MAMLD1: variants seen among roughly 807,000 people sequenced by gnomAD.
MAMLD1 encodes mastermind-like domain-containing protein 1.
Under a neutral mutation model 45.0 loss-of-function variants are expected in MAMLD1, and 14 were observed. The observed-to-expected ratio is 0.31, with a 90% CI of 0.21 to 0.49. The LOEUF (loss-of-function observed/expected upper bound fraction) is 0.49, where lower values mean the gene tolerates loss of function less well. Among genes scored for constraint, MAMLD1 ranks in the 20% least tolerant of loss-of-function variants. The pLI is 0.99. For synonymous variants in MAMLD1, 254 were observed against 247.8 expected, an observed-to-expected ratio of 1.02 and a Z score of -0.24; for missense variants, 543 against 603.6, an observed-to-expected ratio of 0.90 and a Z score of 1.05.
intron 6 of MAMLD1, among the ~76,000 whole-genome samples, chrX:150,506,686 T>C (rs189715671): frequency 0.066 from 7,381 of 112,446 alleles, 592 homozygotes; most frequent in African/African-American, 0.23. Flanking sequence ...ATTCTTCCCA[T>C]GCAGTGGTGA....
chrX:150,468,425 T>C (rs1417712186), intron 3 of MAMLD1, among the ~76,000 whole-genome samples: 1 of 110,845 alleles, frequency 9.0e-6, no homozygotes, highest in Non-Finnish European at 1.9e-5. Flanking sequence ...AGGGGTTATT[T>C]GGGGGGTACC....
intron 1 of MAMLD1, among the ~76,000 whole-genome samples, chrX:150,439,999 A>G (rs1190025045): frequency 2.7e-5 from 3 of 111,640 alleles, no homozygotes; most frequent in Admixed American, 9.5e-5. Flanking sequence ...TCATTGGTCT[A>G]TATGTCTATA....
In MAMLD1 at chrX:150,394,129, C is replaced by CTTTTTTTTTTTTTTTTTTTT. The variant is rs781904160; in HGVS notation, c.-64+30605_-64+30624dup. ...GGGGTGTAAGGTCTATATCTACATC[C>CTTTTTTTTTTTTTTTTTTTT]TTTTTTTTTTTTTTTTTTTTTTTTT... On this transcript the variant is annotated intron_variant, in intron 1 of 7. Coordinates refer to ENST00000370401, the MANE Select transcript of MAMLD1 (RefSeq NM_005491.5). 1.1e-3 allele frequency among the ~76,000 whole-genome samples: 13 copies of CTTTTTTTTTTTTTTTTTTTT among 12,263 alleles called. 2 individuals are homozygous for CTTTTTTTTTTTTTTTTTTTT. Among genetic ancestry groups the CTTTTTTTTTTTTTTTTTTTT allele is most frequent in the African/African-American group, 1.4e-3 (4 of 2,777 alleles). 10.6% of individuals were successfully genotyped at this position (12,263 alleles called of 115,157 possible). A position where few individuals can be genotyped will look rare whatever the true frequency, so the allele number is the denominator to read the frequency against.
chrX:150,455,029 T>C (rs2035802634), intron 2 of MAMLD1, among the ~76,000 whole-genome samples: 1 of 105,830 alleles, frequency 9.4e-6, no homozygotes, highest in South Asian at 4.5e-4. Context: ...TACATGGTTA[T>C]ATGACACTTC....
intron 2 of MAMLD1, among the ~76,000 whole-genome samples, chrX:150,456,098 G>A (rs1013030809): frequency 8.1e-5 from 9 of 111,247 alleles, no homozygotes; most frequent in African/African-American, 2.6e-4. Flanking sequence ...TTTATCCTCA[G>A]TCTAAGTGTG....
At chrX:150,477,792 G>A (rs1359386180) in intron 5 of MAMLD1, among the ~76,000 whole-genome samples, 1 of 111,904 alleles carries the variant, frequency 8.9e-6, no homozygotes, top group East Asian at 2.8e-4. Flanking sequence ...GCGTGGATCT[G>A]ACCCCACCTG....
chrX:150,372,908 C>T (rs1557401162), intron 1 of MAMLD1, among the ~76,000 whole-genome samples: 1 of 111,705 alleles, frequency 9.0e-6, no homozygotes. Flanking sequence ...CACCCGAGCA[C>T]GTGGCTGGGG....
intron 1 of MAMLD1, among the ~76,000 whole-genome samples, chrX:150,406,416 T>C (rs2034000278): frequency 9.0e-6 from 1 of 110,992 alleles, no homozygotes; most frequent in African/African-American, 3.3e-5. Flanking sequence ...GAGCCTTCAT[T>C]GTGAGGTAGA....
chrX:150,428,134 C>CT (rs781874280), intron 1 of MAMLD1, among the ~76,000 whole-genome samples: 14 of 111,127 alleles, frequency 1.3e-4, no homozygotes, highest in Non-Finnish European at 2.6e-4. Flanking sequence ...TTCATATCTT[C>CT]TTCTGGGTAT....
At chrX:150,393,502 GT>G (rs1569564498) in intron 1 of MAMLD1, among the ~76,000 whole-genome samples, 1 of 112,096 alleles carries the variant, frequency 8.9e-6, no homozygotes, top group Non-Finnish European at 1.9e-5. Flanking sequence ...AGTATGTTTC[GT>G]TTTGTAAGAA....
chrX:150,508,683 G>A (rs1379343269), intron 6 of MAMLD1, among the ~76,000 whole-genome samples: 2 of 112,627 alleles, frequency 1.8e-5, no homozygotes, highest in Non-Finnish European at 3.8e-5. Flanking sequence ...CAGCCCCACT[G>A]AGTGCAGAGA....
intron 6 of MAMLD1, chrX:150,505,194 G>A (rs991377708): frequency 1.4e-4 from 50 of 362,377 alleles, no homozygotes; most frequent in Non-Finnish European, 1.6e-4. Flanking sequence ...TCAAACCTGA[G>A]GGCAGCATCA....
intron 5 of MAMLD1, among the ~76,000 whole-genome samples, chrX:150,495,830 G>T (rs57380920): frequency 4.7e-4 from 53 of 112,373 alleles, no homozygotes; most frequent in African/African-American, 1.6e-3. Flanking sequence ...AGATTCTGCC[G>T]TATAGACCAC....
rs781972060 is a variant in MAMLD1, at chrX:150,396,327, G to C, written c.-64+32797G>C. 3.6e-3 allele frequency among the ~76,000 whole-genome samples: 389 copies of C among 108,987 alleles called. 1 individual carries two copies. The highest frequency in any genetic ancestry group is 5.3e-3 in the Non-Finnish European group (278 of 52,384). 94.6% of individuals were successfully genotyped at this position (108,987 alleles called of 115,157 possible). A position where few individuals can be genotyped will look rare whatever the true frequency, so the allele number is the denominator to read the frequency against. ...TTCTTTTCTAATATTTACATTCAAA[G>C]CTATAAATTTCTTCTTTATCACTGA... On this transcript the variant is annotated intron_variant, in intron 1 of 7. Coordinates refer to ENST00000370401, the MANE Select transcript of MAMLD1 (RefSeq NM_005491.5).
At position 150,401,765 on chromosome X, in the gene MAMLD1, T is replaced by C. The variant is rs1177367980; in HGVS notation, c.-64+38235T>C. ...AGAACAGAGCCCTCAGAAATAATGC[T>C]GCATATCTACAACTATCTGATCTTT... On this transcript the variant is annotated intron_variant, in intron 1 of 7. Coordinates refer to ENST00000370401, the MANE Select transcript of MAMLD1 (RefSeq NM_005491.5). Among the ~76,000 whole-genome samples, 6 of 111,343 alleles carry C rather than the reference T, an allele frequency of 5.4e-5. No homozygotes were observed. The East Asian group carries it at 1.1e-3, about 21-fold the overall frequency.
rs782623383 is a variant in MAMLD1 at position 150,463,377 on chromosome X, G to A, written c.171+531G>A. Among the ~76,000 whole-genome samples the A allele has an allele frequency of 2.7e-5, 3 of 112,155 alleles. No individual in the cohort carries two copies. In the South Asian group the frequency reaches 1.1e-3, roughly 42 times the overall value. ...ACAGGCCTCACCAGGCTTAACATGA[G>A]TGGGTGTGAGCAGCCCGTCTTGAAG... On this transcript the variant is annotated intron_variant, in intron 3 of 7. Coordinates refer to ENST00000370401, the MANE Select transcript of MAMLD1 (RefSeq NM_005491.5).
chrX:150,421,121 C>T (rs936134817), intron 1 of MAMLD1: 4 of 114,672 alleles, frequency 3.5e-5, no homozygotes, highest in South Asian at 3.6e-4. Flanking sequence ...GAGCCAGGTG[C>T]GGGATATAAT....
intron 1 of MAMLD1, among the ~76,000 whole-genome samples, chrX:150,393,039 C>T (rs1201398671): frequency 9.0e-6 from 1 of 111,609 alleles, no homozygotes; most frequent in African/African-American, 3.3e-5. Context: ...TATATGATGA[C>T]ATGTATCCAT....
chrX:150,452,833 A>G (rs1304771365), intron 2 of MAMLD1, among the ~76,000 whole-genome samples: 2 of 96,713 alleles, frequency 2.1e-5, no homozygotes, highest in Non-Finnish European at 4.0e-5. Context: ...ATTCCCACCT[A>G]TGAGTGAGAA....
Sources: gnomAD v4.1 joint callset for allele counts (sites outside exome capture counted in the v4.1 genomes callset) on GRCh38, gnomAD v4.1.1 for gene constraint, MANE v1.5 for transcripts, NCBI Gene and HGNC (gene_info 2026-07-23, HGNC 2026-07-21) for gene names.